The following STOM variants were observed in gnomAD, a reference collection of about 807,000 sequenced individuals.
STOM encodes erythrocyte band 7 integral membrane protein.
Under a neutral mutation model 30.6 loss-of-function variants are expected in STOM, and 25 were observed. That is an observed-to-expected ratio of 0.82 (90% CI 0.60 to 1.14). The LOEUF (loss-of-function observed/expected upper bound fraction) is 1.14, where lower values mean the gene tolerates loss of function less well. Among genes scored for constraint, STOM ranks in the 50% most tolerant of loss-of-function variants. The pLI, the probability that STOM is intolerant of heterozygous loss-of-function variation, is 0.00. For synonymous variants in STOM, 118 were observed against 130.8 expected, an observed-to-expected ratio of 0.90 and a Z score of 0.67; for missense variants, 292 against 365.2, an observed-to-expected ratio of 0.80 and a Z score of 1.63.
chr9:121,344,090 C>T (rs942194159), intron 6 of STOM, among the ~76,000 whole-genome samples: 5 of 152,044 alleles, frequency 3.3e-5, no homozygotes, highest in African/African-American at 1.2e-4. Context: ...TAGATTAGTG[C>T]CATTAATGGA....
chr9:121,365,645 A>G (rs1043640559), intron 1 of STOM, among the ~76,000 whole-genome samples: 1 of 152,174 alleles, frequency 6.6e-6, no homozygotes, highest in Non-Finnish European at 1.5e-5. Context: ...TGTGATTAAC[A>G]GCTAAGCAGT....
chr9:121,368,044 C>T (rs77492689), intron 1 of STOM, among the ~76,000 whole-genome samples: 17,241 of 152,068 alleles, frequency 0.11, 1,205 homozygotes, highest in Middle Eastern at 0.17. Flanking sequence ...GTTTGTAAAG[C>T]ACTTAAACTG....
In STOM at chr9:121,348,124, G is replaced by A. The variant is rs1318538855; in HGVS notation, c.551C>T (p.Ala184Val). The A allele has an allele frequency of 1.2e-5, 19 of 1,614,018 alleles. No homozygotes were observed. Among genetic ancestry groups the A allele is most frequent in the Non-Finnish European group, 1.2e-5 (14 of 1,180,030 alleles). ...MQSTLDDATD[A>V]WGIKVERVEI... ...CACACGCTCCACCTTTATTCCCCAGGCATCAGTGGCATCATCCAGAGTAGA... is the reference window on the plus strand; with the variant it reads ...CACACGCTCCACCTTTATTCCCCAGACATCAGTGGCATCATCCAGAGTAGA... The change falls in exon 6 of 7, where the codon GCC (alanine) becomes GTC (valine). Residue 184 changes from alanine to valine, a missense_variant. Ala to Val is a moderately conservative substitution (Grantham distance 64). Coordinates refer to ENST00000286713, the MANE Select transcript of STOM (RefSeq NM_004099.6).
At position 121,341,105 on chromosome 9, in the gene STOM, G is replaced by A; in HGVS notation, c.*97C>T. 6.3e-7 allele frequency: 1 copy of A among 1,577,924 alleles called. No individual in the cohort carries two copies. The highest frequency in any genetic ancestry group is 8.6e-7 in the Non-Finnish European group (1 of 1,161,290). Reference sequence around the variant, plus strand: ...TATACATTCTGGGAACACCACAATTGACATATGGAAAAAGAAAAGCCCTAC... The same window carrying A: ...TATACATTCTGGGAACACCACAATTAACATATGGAAAAAGAAAAGCCCTAC... On this transcript the variant is annotated 3_prime_UTR_variant, in exon 7 of 7. Coordinates refer to ENST00000286713, the MANE Select transcript of STOM (RefSeq NM_004099.6).
At chr9:121,361,687 C>T (rs2064454423) in intron 1 of STOM, among the ~76,000 whole-genome samples, 1 of 152,176 alleles carries the variant, frequency 6.6e-6, no homozygotes, top group Non-Finnish European at 1.5e-5. Context: ...TGCACCCGGC[C>T]ACTTGTGGGT....
rs2064229675 is a variant in STOM, at chr9:121,339,727, G to A, written c.*1475C>T. 2 of 1,230,024 alleles carry A rather than the reference G, an allele frequency of 1.6e-6. No homozygotes were observed. Among genetic ancestry groups the A allele is most frequent in the Admixed American group, 4.2e-5 (1 of 23,666 alleles). The allele number at this position is 1,230,024 out of a possible 1,614,324, so 76.2% of individuals were successfully genotyped here. ...CACAGACATTTGCAAAACAGAAGAT[G>A]TCTCCTAATATTATAGACTAAGAAT... On this transcript the variant is annotated 3_prime_UTR_variant, in exon 7 of 7. Coordinates refer to ENST00000286713, the MANE Select transcript of STOM (RefSeq NM_004099.6).
chr9:121,366,148 A>G, intron 1 of STOM: 2 of 985,376 alleles, frequency 2.0e-6, no homozygotes, highest in Non-Finnish European at 2.4e-6. Context: ...CCACAAGTTC[A>G]GTATAGTTTT....
In STOM at chr9:121,349,192, C is replaced by T. The variant is rs1210671517; in HGVS notation, c.453G>A (p.Leu151=). 2.5e-6 allele frequency: 4 copies of T among 1,614,142 alleles called. No homozygotes were observed. The highest frequency in any genetic ancestry group is 3.4e-6 in the Non-Finnish European group (4 of 1,180,034). ...SATRLLAQTT[L]RNVLGTKNLS... is the part of the protein sequence containing the mutation. The stretch of plus-strand genomic sequence containing the variant: ...GATTCTTGGTGCCCAGAACATTCCT[C>T]AGAGTAGTTTGTGCCAAAAGACGGG... The change falls in exon 5 of 7, where the codon CTG becomes CTA. Residue 151 remains leucine (L), a synonymous_variant. Coordinates refer to ENST00000286713, the MANE Select transcript of STOM (RefSeq NM_004099.6).
At position 121,339,479 on chromosome 9, in the gene STOM, G is replaced by C; in HGVS notation, c.*1723C>G. 1 of 1,186,486 alleles carries C rather than the reference G, an allele frequency of 8.4e-7. No homozygotes were observed. The highest frequency in any genetic ancestry group is 1.1e-6 in the Non-Finnish European group (1 of 949,794). 73.5% of individuals were successfully genotyped at this position (1,186,486 alleles called of 1,614,324 possible). A position where few individuals can be genotyped will look rare whatever the true frequency, so the allele number is the denominator to read the frequency against. The stretch of plus-strand genomic sequence containing the variant: ...GGAGCCAGGATACATGGTAGTTCAA[G>C]GCTTCCTAAAATAAGCTTGAAATTG... On this transcript the variant is annotated 3_prime_UTR_variant, in exon 7 of 7. Coordinates refer to ENST00000286713, the MANE Select transcript of STOM (RefSeq NM_004099.6).
intron 4 of STOM, among the ~76,000 whole-genome samples, chr9:121,352,510 G>GC (rs1352228543): frequency 6.6e-6 from 1 of 152,164 alleles, no homozygotes; most frequent in African/African-American, 2.4e-5. Flanking sequence ...ACTTTGTGGA[G>GC]TTTTTTCCTA....
chr9:121,348,602 G>T (rs2134026481), intron 5 of STOM, among the ~76,000 whole-genome samples: 1 of 152,268 alleles, frequency 6.6e-6, no homozygotes, highest in South Asian at 2.1e-4. Context: ...AGAATGTCAG[G>T]AATGAAACCA....
At position 121,339,786 on chromosome 9, in the gene STOM, C is replaced by G; in HGVS notation, c.*1416G>C. 8.2e-7 allele frequency: 1 copy of G among 1,219,358 alleles called. No individual in the cohort carries two copies. Among genetic ancestry groups the G allele is most frequent in the Non-Finnish European group, 1.0e-6 (1 of 980,654 alleles). 75.5% of individuals were successfully genotyped at this position (1,219,358 alleles called of 1,614,324 possible). Reference sequence around the variant, plus strand: ...CAGAGGAGCTGACCAGTTCCTCTTTCAGCATCAATATACATGATAGAAGAA... The same window carrying G: ...CAGAGGAGCTGACCAGTTCCTCTTTGAGCATCAATATACATGATAGAAGAA... On this transcript the variant is annotated 3_prime_UTR_variant, in exon 7 of 7. Transcript: ENST00000286713.
chr9:121,350,680 A>G (rs1488615685), intron 4 of STOM, among the ~76,000 whole-genome samples: 1 of 152,232 alleles, frequency 6.6e-6, no homozygotes, highest in Non-Finnish European at 1.5e-5. Context: ...GATGGCGCTA[A>G]TAATACTGCC....
Position 121,339,532 on chromosome 9 carries a change from C to G in STOM, c.*1670G>C. 1.6e-6 allele frequency: 2 copies of G among 1,229,120 alleles called. No individual in the cohort carries two copies. Among genetic ancestry groups the G allele is most frequent in the Non-Finnish European group, 2.0e-6 (2 of 986,494 alleles). 76.1% of individuals were successfully genotyped at this position (1,229,120 alleles called of 1,614,324 possible). On this transcript the variant is annotated 3_prime_UTR_variant, in exon 7 of 7. Coordinates refer to ENST00000286713, the MANE Select transcript of STOM (RefSeq NM_004099.6). The stretch of plus-strand genomic sequence containing the variant: ...GTACAGGGGAAGGGACATCCATTGG[C>G]TGGATGGACAGAGTGGTTGAGCTAA...
intron 1 of STOM, chr9:121,366,076 A>C (rs167396): frequency 0.19 from 185,344 of 976,630 alleles, 17,877 homozygotes; most frequent in Admixed American, 0.3. Flanking sequence ...TCTTTTAATT[A>C]TAAATTCCAC....
Position 121,340,870 on chromosome 9 carries a change from G to A in STOM, c.*332C>T. On this transcript the variant is annotated 3_prime_UTR_variant, in exon 7 of 7. Transcript: ENST00000286713. ...AGCCAGTCAGCGGTGTCAGGTGGCAGTTACAGCCCAGGTTCTTGCCTCTGG... is the reference window on the plus strand; with the variant it reads ...AGCCAGTCAGCGGTGTCAGGTGGCAATTACAGCCCAGGTTCTTGCCTCTGG... The A allele has an allele frequency of 1.8e-6, 2 of 1,135,050 alleles. No homozygotes were observed. The highest frequency in any genetic ancestry group is 2.2e-6 in the Non-Finnish European group (2 of 919,330). 70.3% of individuals were successfully genotyped at this position (1,135,050 alleles called of 1,614,324 possible).
At chr9:121,348,655 T>C (rs1027391311) in intron 5 of STOM, among the ~76,000 whole-genome samples, 1 of 152,218 alleles carries the variant, frequency 6.6e-6, no homozygotes, top group South Asian at 2.1e-4. Flanking sequence ...AATACAATCA[T>C]AGATTTTACC....
At chr9:121,369,103 T>C (rs180717454) in intron 1 of STOM, among the ~76,000 whole-genome samples, 23 of 152,304 alleles carry the variant, frequency 1.5e-4, no homozygotes, top group Admixed American at 5.9e-4. Context: ...TGTAATTCCT[T>C]TGATGCTCCT....
intron 3 of STOM, among the ~76,000 whole-genome samples, chr9:121,353,621 T>G (rs2064358895): frequency 6.6e-6 from 1 of 152,162 alleles, no homozygotes; most frequent in Admixed American, 6.5e-5. Context: ...ATCTATTTCC[T>G]AAGCTGCAAG....
Sources: gnomAD v4.1 joint callset for allele counts (sites outside exome capture counted in the v4.1 genomes callset) on GRCh38, gnomAD v4.1.1 for gene constraint, MANE v1.5 for transcripts, NCBI Gene and HGNC (gene_info 2026-07-23, HGNC 2026-07-21) for gene names.